Variants in ADGRG5 observed in about 807,000 individuals in gnomAD.
ADGRG5 encodes adhesion G protein-coupled receptor G5.
A neutral mutation model predicts 53.2 loss-of-function variants in ADGRG5; 37 were observed. The ratio of observed to expected loss-of-function variants is 0.70; its 90% CI spans 0.53 to 0.91. The LOEUF is 0.91. ADGRG5 is among the 40% of genes least tolerant of loss of function. ADGRG5 has a pLI of 0.00. For synonymous variants in ADGRG5, 277 were observed against 290.4 expected, an observed-to-expected ratio of 0.95 and a Z score of 0.47; for missense variants, 614 against 675.8, an observed-to-expected ratio of 0.91 and a Z score of 1.01.
Position 57,566,681 on chromosome 16 carries a change from G to T in ADGRG5, c.629G>T (p.Arg210Leu), listed in dbSNP as rs757340260. 1 of 1,592,404 alleles carries T rather than the reference G, an allele frequency of 6.3e-7. No individual in the cohort carries two copies. Among genetic ancestry groups the T allele is most frequent in the Non-Finnish European group, 8.5e-7 (1 of 1,170,462 alleles). ...PWGGWSPEGC[R>L]TEQPSHSQVL... Reference sequence around the variant, plus strand: ...GGGGGCTGGAGCCCTGAGGGCTGTCGTACAGAGCAGCCCTCCCACTCTCAG... The same window carrying T: ...GGGGGCTGGAGCCCTGAGGGCTGTCTTACAGAGCAGCCCTCCCACTCTCAG... The change falls in exon 7 of 12, where the codon CGT (arginine) becomes CTT (leucine). Residue 210 changes from arginine to leucine, a missense_variant. Coordinates refer to ENST00000349457, the MANE Select transcript of ADGRG5 (RefSeq NM_001304376.3).
chr16:57,550,533 T>C (rs1364652305), intron 1 of ADGRG5, among the ~76,000 whole-genome samples: 4 of 152,226 alleles, frequency 2.6e-5, no homozygotes, highest in South Asian at 2.1e-4. Context: ...GTTGTTGTTG[T>C]TGCCATGGAT....
At chr16:57,575,231 G>T (rs1372658444) in intron 11 of ADGRG5, 139 bp downstream of exon 11, 3 of 1,059,160 alleles carry the variant, frequency 2.8e-6, no homozygotes, top group Non-Finnish European at 4.1e-6. Flanking sequence ...AGCTAAGCTG[G>T]TGGGGGCTAC....
upstream of ADGRG5, among the ~76,000 whole-genome samples, chr16:57,537,859 A>G (rs2032427716): frequency 6.6e-6 from 1 of 152,116 alleles, no homozygotes; most frequent in African/African-American, 2.4e-5. Flanking sequence ...CCAGCCAGAG[A>G]TAGATAGGAG....
At chr16:57,530,668 G>A in the ADGRG5 span, among the ~76,000 whole-genome samples, 22 of 152,206 alleles carry the variant, frequency 1.4e-4, no homozygotes, top group South Asian at 2.9e-3. Context: ...AGGACAGAGG[G>A]GTTCTCCTTC....
Position 57,563,235 on chromosome 16 carries a change from G to T in ADGRG5, c.285G>T (p.Lys95Asn), listed in dbSNP as rs111324660. 555 of 1,613,952 alleles carry T rather than the reference G, an allele frequency of 3.4e-4. 2 individuals carry two copies. The African/African-American group carries it at 5.9e-3, about 17-fold the overall frequency. ...TCTCGCTGACCAGTGCCACTCTGAA[G>T]CGGGTGCCCCAGGTCAGAGGCTGCG... ...SGLSLTSATLKRVPQAGGQHA... is the reference protein window; with the variant it reads ...SGLSLTSATLNRVPQAGGQHA... Residue 95 changes from lysine (K) to asparagine (N), a missense_variant, in exon 4 of 12, where the codon AAG (lysine) becomes AAT (asparagine). Transcript: ENST00000349457.
rs1437785215 is a variant in ADGRG5, at chr16:57,554,571, TTTCACCGTG to T, written c.-38-7482_-38-7474del. Among the ~76,000 whole-genome samples the T allele has an allele frequency of 3.5e-4, 54 of 152,146 alleles. No homozygotes were observed. In the East Asian group the frequency reaches 0.01, roughly 28 times the overall value. Reference sequence around the variant, plus strand: ...TTTTGTATTTTTAGTAGAGATGGGGTTTCACCGTGTTAGCCAGGATGGTCTCAATCTCCT... The same window carrying T: ...TTTTGTATTTTTAGTAGAGATGGGGTTTAGCCAGGATGGTCTCAATCTCCT... On this transcript the variant is annotated intron_variant, in intron 1 of 11. Transcript: ENST00000349457.
At chr16:57,541,081 G>A (rs1393690725), upstream of ADGRG5, among the ~76,000 whole-genome samples, 5 of 152,128 alleles carry the variant, frequency 3.3e-5, no homozygotes, top group Non-Finnish European at 5.9e-5. Flanking sequence ...CTGAGTCACC[G>A]CACCCAGCCT....
upstream of ADGRG5, among the ~76,000 whole-genome samples, chr16:57,541,528 G>T (rs1193339947): frequency 3.9e-5 from 6 of 152,216 alleles, no homozygotes; most frequent in Admixed American, 6.5e-5. Context: ...TGCCCTCCAA[G>T]GAGCAGCTCC....
the ADGRG5 span, among the ~76,000 whole-genome samples, chr16:57,533,308 G>A: frequency 1.3e-5 from 2 of 152,014 alleles, no homozygotes; most frequent in Non-Finnish European, 2.9e-5. Context: ...GGTCCTCAGG[G>A]GAGTTTTCTG....
At chr16:57,541,399 G>A (rs989435294), upstream of ADGRG5, among the ~76,000 whole-genome samples, 8 of 152,162 alleles carry the variant, frequency 5.3e-5, no homozygotes, top group African/African-American at 1.4e-4. Context: ...AAACCGAAGC[G>A]CAAAGAAGGG....
the ADGRG5 span, chr16:57,536,544 CG>C: frequency 6.6e-6 from 1 of 152,172 alleles, no homozygotes; most frequent in Non-Finnish European, 1.5e-5. Context: ...GCCGCTGCGG[CG>C]GGGTAGAGCG....
chr16:57,540,226 AG>A (rs1235184511), upstream of ADGRG5, among the ~76,000 whole-genome samples: 1 of 152,192 alleles, frequency 6.6e-6, no homozygotes, highest in African/African-American at 2.4e-5. Context: ...CTGGCGACAG[AG>A]TGAGGCTCTG....
chr16:57,552,868 C>T (rs1309852077), intron 1 of ADGRG5, among the ~76,000 whole-genome samples: 1 of 152,126 alleles, frequency 6.6e-6, no homozygotes, highest in Non-Finnish European at 1.5e-5. Flanking sequence ...CTTTCTTCTA[C>T]TTGAACACTT....
chr16:57,575,008 A>G lies in ADGRG5; in HGVS notation c.1402A>G (p.Thr468Ala), dbSNP rs750032729. 1 of 1,613,888 alleles carries G rather than the reference A, an allele frequency of 6.2e-7. No individual in the cohort carries two copies. Among genetic ancestry groups the G allele is most frequent in the South Asian group, 1.1e-5 (1 of 91,072 alleles). The stretch of plus-strand genomic sequence containing the variant: ...GCTGGGCCTCACCGTGCTGCTGGGA[A>G]CCACCTGGGCCTTGGCCTTCTTTTC... ...TVLGLTVLLG[T>A]TWALAFFSFG... The change falls in exon 11 of 12, where the codon ACC becomes GCC. Residue 468 changes from threonine (T) to alanine (A), a missense_variant. Thr to Ala is a moderately conservative substitution (Grantham distance 58). Transcript: ENST00000349457.
At position 57,565,134 on chromosome 16, in the gene ADGRG5, G is replaced by A; in HGVS notation, c.530G>A (p.Trp177Ter). 4 of 1,612,558 alleles carry A rather than the reference G, an allele frequency of 2.5e-6. No individual in the cohort carries two copies. Among genetic ancestry groups the A allele is most frequent in the Non-Finnish European group, 3.4e-6 (4 of 1,178,652 alleles). The change falls in exon 6 of 12, where the codon TGG becomes TAG. Residue 177 changes from tryptophan to a stop codon, truncating the protein, a stop_gained. Transcript: ENST00000349457. LOFTEE classifies it high-confidence loss of function. The stretch of plus-strand genomic sequence containing the variant: ...AGGGATCCTGTGAACATCAGCTTCT[G>A]GCACAACCAAAGCCTGGTACTGCTG... ...NLRDPVNISFWHNQSLEGYTL... is the reference protein window; with the variant it reads ...NLRDPVNISF
upstream of ADGRG5, among the ~76,000 whole-genome samples, chr16:57,539,097 A>G (rs1487737634): frequency 6.6e-6 from 1 of 152,230 alleles, no homozygotes; most frequent in Non-Finnish European, 1.5e-5. Context: ...CAGATGAATG[A>G]ACAAAATGTA....
chr16:57,562,610 G>A (rs2033030845), intron 3 of ADGRG5, 151 bp downstream of exon 3: 2 of 603,090 alleles, frequency 3.3e-6, no homozygotes, highest in East Asian at 2.8e-5. Context: ...TGCAGGATGG[G>A]CATGTCACTG....
At chr16:57,564,006 G>C (rs2146800281) in intron 5 of ADGRG5, 27 bp downstream of exon 5, 2 of 1,601,910 alleles carry the variant, frequency 1.2e-6, no homozygotes, top group Non-Finnish European at 8.5e-7. Flanking sequence ...GCCAAGGAGG[G>C]TGGGTGCCGG....
At chr16:57,564,661 T>C (rs2033086248) in intron 5 of ADGRG5, among the ~76,000 whole-genome samples, 1 of 152,110 alleles carries the variant, frequency 6.6e-6, no homozygotes, top group South Asian at 2.1e-4. Flanking sequence ...TCCAGAGTGA[T>C]GGATGAGTCA....
Sources: allele counts gnomAD v4.1 joint callset (sites outside exome capture counted in the v4.1 genomes callset), GRCh38; gene constraint gnomAD v4.1.1; transcripts MANE v1.5; gene names NCBI Gene and HGNC (gene_info 2026-07-23, HGNC 2026-07-21).